Variants in GRHL2 observed in about 807,000 individuals in gnomAD.
GRHL2 encodes grainyhead like transcription factor 2.
GRHL2 carries 21 observed loss-of-function variants against 83.8 expected under a neutral mutation model. The observed-to-expected ratio is 0.25, with a 90% CI of 0.18 to 0.36. The LOEUF is 0.36. GRHL2 is among the 10% of genes least tolerant of loss of function. The pLI is 1.00. For missense variants in GRHL2, 623 were observed against 781.8 expected (o/e 0.80, Z 2.42); for synonymous variants, 280 against 278.9 (o/e 1.00, Z -0.04).
chr8:101,572,408 A>T (rs1236276864), intron 5 of GRHL2, among the ~76,000 whole-genome samples: 7 of 152,222 alleles, frequency 4.6e-5, no homozygotes, highest in Non-Finnish European at 7.3e-5. Flanking sequence ...CAGGAATATT[A>T]TTCTGCCCTT....
intron 7 of GRHL2, among the ~76,000 whole-genome samples, chr8:101,592,750 G>A (rs1812313246): frequency 6.6e-6 from 1 of 152,066 alleles, no homozygotes; most frequent in Non-Finnish European, 1.5e-5. Context: ...TTCTGCTTTG[G>A]GAGGATCCTA....
intron 7 of GRHL2, among the ~76,000 whole-genome samples, chr8:101,580,317 ATCTTC>A (rs764105189): frequency 5.2e-4 from 79 of 152,306 alleles, no homozygotes; most frequent in Non-Finnish European, 5.3e-4. Context: ...ATTATCTCAA[ATCTTC>A]TCTTCTAGCT....
intron 8 of GRHL2, among the ~76,000 whole-genome samples, chr8:101,611,578 C>T (rs1176410522): frequency 6.6e-6 from 1 of 150,880 alleles, no homozygotes; most frequent in Non-Finnish European, 1.5e-5. Flanking sequence ...CCTTCCTCTC[C>T]TCCCTTCCAT....
At chr8:101,681,049 T>C in the GRHL2 span, among the ~76,000 whole-genome samples, 2 of 132,190 alleles carry the variant, frequency 1.5e-5, no homozygotes, top group African/African-American at 3.0e-5. Context: ...ATTCAAAAGC[T>C]AGCAGAAGGC....
chr8:101,543,675 C>A lies in GRHL2; in HGVS notation c.216+239C>A, dbSNP rs1811202047. On this transcript the variant is annotated intron_variant, in intron 2 of 15. Transcript: ENST00000646743. ...GATAATATTTTTTGTGTTCCTTGTT[C>A]ACATGCATAAATATTATTTGCATAT... 3 of 536,108 alleles carry A rather than the reference C, an allele frequency of 5.6e-6. No homozygotes were observed. In the African/African-American group the frequency reaches 5.7e-5, roughly 10 times the overall value. 33.2% of individuals were successfully genotyped at this position (536,108 alleles called of 1,614,324 possible). A position where few individuals can be genotyped will look rare whatever the true frequency, so the allele number is the denominator to read the frequency against.
intron 5 of GRHL2, among the ~76,000 whole-genome samples, chr8:101,571,502 A>AG (rs1811821550): frequency 6.6e-6 from 1 of 151,600 alleles, no homozygotes; most frequent in East Asian, 1.9e-4. Flanking sequence ...AAAAAAAAAA[A>AG]AAAAGAGTGA....
At chr8:101,640,253 A>G (rs554538881) in intron 12 of GRHL2, among the ~76,000 whole-genome samples, 2 of 152,344 alleles carry the variant, frequency 1.3e-5, no homozygotes, top group South Asian at 4.2e-4. Flanking sequence ...AATAATAGCC[A>G]CCTGCTAGCG....
intron 1 of GRHL2, among the ~76,000 whole-genome samples, chr8:101,514,441 C>T (rs1212118037): frequency 1.3e-5 from 2 of 152,182 alleles, no homozygotes; most frequent in Non-Finnish European, 2.9e-5. Context: ...AGGAGAGCCC[C>T]CAGACTCTGA....
chr8:101,553,623 C>CTT (rs1184533206), intron 3 of GRHL2, among the ~76,000 whole-genome samples: 1,380 of 106,668 alleles, frequency 0.013, 1 homozygote, highest in Non-Finnish European at 0.016. Flanking sequence ...TCATCCACTT[C>CTT]TTTTTTTTTT....
intron 1 of GRHL2, among the ~76,000 whole-genome samples, chr8:101,520,766 C>T (rs1238642896): frequency 6.6e-6 from 1 of 152,184 alleles, no homozygotes; most frequent in Admixed American, 6.5e-5. Flanking sequence ...AGACACTGCC[C>T]TCTTCCTTCT....
At chr8:101,657,342 T>C (rs1430634514) in intron 14 of GRHL2, among the ~76,000 whole-genome samples, 3 of 152,164 alleles carry the variant, frequency 2.0e-5, no homozygotes, top group African/African-American at 7.2e-5. Flanking sequence ...ACATGAGGTT[T>C]TTGGGCAAAG....
chr8:101,599,464 G>A (rs1212293944), intron 8 of GRHL2, among the ~76,000 whole-genome samples: 1 of 152,158 alleles, frequency 6.6e-6, no homozygotes, highest in African/African-American at 2.4e-5. Context: ...GCGTCTCTGT[G>A]CAGCCTCCTC....
At chr8:101,554,819 A>G (rs1344612204) in intron 3 of GRHL2, among the ~76,000 whole-genome samples, 1 of 151,558 alleles carries the variant, frequency 6.6e-6, no homozygotes, top group Non-Finnish European at 1.5e-5. Context: ...ATTTTAAATT[A>G]TATTGCAGGT....
chr8:101,648,742 G>T (rs1256320041), intron 13 of GRHL2, among the ~76,000 whole-genome samples: 1 of 152,070 alleles, frequency 6.6e-6, no homozygotes, highest in African/African-American at 2.4e-5. Flanking sequence ...CCTGGAGTTT[G>T]CTCTCCCTCT....
intron 1 of GRHL2, among the ~76,000 whole-genome samples, chr8:101,536,209 A>G (rs1403823063): frequency 3.3e-5 from 5 of 152,244 alleles, no homozygotes; most frequent in Admixed American, 6.5e-5. Context: ...GGAAGACCTT[A>G]AATGTCAGAC....
chr8:101,524,205 A>G (rs957605460), intron 1 of GRHL2, among the ~76,000 whole-genome samples: 3 of 152,180 alleles, frequency 2.0e-5, no homozygotes, highest in Non-Finnish European at 4.4e-5. Context: ...GTCTTTTTTC[A>G]GAAGAGAATT....
chr8:101,495,658 AGT>A (rs1810084930), intron 1 of GRHL2, among the ~76,000 whole-genome samples: 1 of 152,128 alleles, frequency 6.6e-6, no homozygotes, highest in Non-Finnish European at 1.5e-5. Context: ...TCATTAGGTA[AGT>A]GTATTTTCTG....
At chr8:101,577,675 C>A (rs543546326) in intron 7 of GRHL2, among the ~76,000 whole-genome samples, 156 bp downstream of exon 7, 44 of 152,224 alleles carry the variant, frequency 2.9e-4, no homozygotes, top group Non-Finnish European at 3.2e-4. Flanking sequence ...GCAGATCAGA[C>A]TGAGTAACCA....
chr8:101,676,048 C>T, the GRHL2 span, among the ~76,000 whole-genome samples: 6 of 152,144 alleles, frequency 3.9e-5, no homozygotes, highest in East Asian at 5.8e-4. Context: ...ACACCTTATA[C>T]AAAAATTAAT....
Sources: gnomAD v4.1 joint callset for allele counts (sites outside exome capture counted in the v4.1 genomes callset) on GRCh38, gnomAD v4.1.1 for gene constraint, MANE v1.5 for transcripts, NCBI Gene and HGNC (gene_info 2026-07-23, HGNC 2026-07-21) for gene names.